GRM1: variants seen among roughly 807,000 people sequenced by gnomAD.
GRM1 encodes the protein metabotropic glutamate receptor 1.
GRM1 carries 33 observed loss-of-function variants against 90.9 expected under a neutral mutation model. The ratio of observed to expected loss-of-function variants is 0.36; its 90% CI spans 0.28 to 0.49. The LOEUF (loss-of-function observed/expected upper bound fraction) is 0.49, where lower values mean the gene tolerates loss of function less well. GRM1 is among the 20% of genes least tolerant of loss of function. The pLI, the probability that GRM1 is intolerant of heterozygous loss-of-function variation, is 0.99. For missense variants in GRM1, 1,190 were observed against 1,534.3 expected (o/e 0.78, Z 3.75); for synonymous variants, 700 against 613.2 (o/e 1.14, Z -2.09).
At chr6:146,295,220 T>C (rs926236344) in intron 2 of GRM1, among the ~76,000 whole-genome samples, 1 of 151,984 alleles carries the variant, frequency 6.6e-6, no homozygotes, top group African/African-American at 2.4e-5. Context: ...ATCTATCCAT[T>C]TATTTATTTA....
At chr6:146,053,906 A>G (rs1382554254) in intron 1 of GRM1, among the ~76,000 whole-genome samples, 2 of 152,080 alleles carry the variant, frequency 1.3e-5, no homozygotes. Flanking sequence ...GGAGAATACC[A>G]TTTGTAGGAC....
intron 2 of GRM1, among the ~76,000 whole-genome samples, chr6:146,186,400 C>T (rs1490734796): frequency 3.9e-5 from 6 of 152,118 alleles, no homozygotes; most frequent in Admixed American, 3.9e-4. Context: ...CTCTGTATTC[C>T]TGAATTCAAG....
chr6:146,227,749 A>G (rs1583192359), intron 2 of GRM1, among the ~76,000 whole-genome samples: 1 of 152,150 alleles, frequency 6.6e-6, no homozygotes, highest in African/African-American at 2.4e-5. Flanking sequence ...CAGAATGGGG[A>G]AATCTTTTTA....
chr6:146,310,429 G>A (rs1045485210), intron 3 of GRM1, among the ~76,000 whole-genome samples: 5 of 152,120 alleles, frequency 3.3e-5, no homozygotes, highest in Non-Finnish European at 4.4e-5. Flanking sequence ...TTTATCTTGG[G>A]AAGTTTGACC....
At chr6:146,196,706 T>G (rs928979259) in intron 2 of GRM1, among the ~76,000 whole-genome samples, 8 of 152,144 alleles carry the variant, frequency 5.3e-5, no homozygotes, top group African/African-American at 1.9e-4. Context: ...CCAAACCTAC[T>G]GAATCAGAAT....
intron 1 of GRM1, among the ~76,000 whole-genome samples, chr6:146,041,090 T>G (rs754747286): frequency 3.9e-5 from 6 of 152,062 alleles, no homozygotes; most frequent in Non-Finnish European, 5.9e-5. Context: ...AAATTTCTGT[T>G]TAACTTTGTA....
At chr6:146,409,634 TA>T (rs745337875) in intron 7 of GRM1, among the ~76,000 whole-genome samples, 5 of 152,184 alleles carry the variant, frequency 3.3e-5, no homozygotes, top group Non-Finnish European at 5.9e-5. Flanking sequence ...TCTGAGTTAA[TA>T]AAAATACATT....
intron 2 of GRM1, among the ~76,000 whole-genome samples, chr6:146,162,153 A>T (rs1178920888): frequency 1.3e-5 from 2 of 152,176 alleles, no homozygotes; most frequent in African/African-American, 2.4e-5. Flanking sequence ...CCAAATGTTG[A>T]AGTTTTTTGA....
At chr6:146,278,741 G>A (rs1184649794) in intron 2 of GRM1, among the ~76,000 whole-genome samples, 1 of 152,154 alleles carries the variant, frequency 6.6e-6, no homozygotes, top group Non-Finnish European at 1.5e-5. Context: ...CCGAGATCAC[G>A]CTACTGCACT....
chr6:146,348,114 G>A (rs1410642184), intron 3 of GRM1, among the ~76,000 whole-genome samples: 1 of 152,158 alleles, frequency 6.6e-6, no homozygotes, highest in East Asian at 1.9e-4. Flanking sequence ...AAGTACCACA[G>A]AAAATGATCA....
At chr6:146,225,669 C>CAAATTTAAT (rs1197633757) in intron 2 of GRM1, among the ~76,000 whole-genome samples, 1 of 151,906 alleles carries the variant, frequency 6.6e-6, no homozygotes, top group East Asian at 1.9e-4. Flanking sequence ...AAATTAACAC[C>CAAATTTAAT]AAATTTAATA....
chr6:146,174,159 T>C (rs1310270387), intron 2 of GRM1, among the ~76,000 whole-genome samples: 1 of 152,050 alleles, frequency 6.6e-6, no homozygotes, highest in East Asian at 1.9e-4. Flanking sequence ...AAAATTCAGT[T>C]TGAGAAATTT....
intron 1 of GRM1, among the ~76,000 whole-genome samples, chr6:146,132,258 A>G (rs1776427723): frequency 6.6e-6 from 1 of 152,090 alleles, no homozygotes; most frequent in East Asian, 1.9e-4. Context: ...TTGAGAATGG[A>G]TCGGAGAGGA....
At chr6:146,220,439 C>G (rs1274315457) in intron 2 of GRM1, among the ~76,000 whole-genome samples, 1 of 152,030 alleles carries the variant, frequency 6.6e-6, no homozygotes, top group South Asian at 2.1e-4. Context: ...AAAAGTCCAC[C>G]TATGTGCAAG....
chr6:146,257,793 C>T (rs1018231702), intron 2 of GRM1, among the ~76,000 whole-genome samples: 1 of 151,842 alleles, frequency 6.6e-6, no homozygotes, highest in Non-Finnish European at 1.5e-5. Context: ...AGGATGCCTA[C>T]CCACATTGGG....
intron 5 of GRM1, among the ~76,000 whole-genome samples, chr6:146,373,399 A>G (rs2115099486): frequency 6.6e-6 from 1 of 152,256 alleles, no homozygotes; most frequent in South Asian, 2.1e-4. Context: ...CTGGCAGAAA[A>G]GAGAGAAAGT....
At chr6:146,342,410 A>G (rs968296307) in intron 3 of GRM1, among the ~76,000 whole-genome samples, 14 of 152,364 alleles carry the variant, frequency 9.2e-5, no homozygotes, top group African/African-American at 3.1e-4. Flanking sequence ...ATTGTGACAA[A>G]TATCACATCT....
chr6:146,203,168 T>TGGG, intron 2 of GRM1, among the ~76,000 whole-genome samples: 1 of 151,220 alleles, frequency 6.6e-6, no homozygotes, highest in African/African-American at 2.4e-5. Flanking sequence ...CACTCCAGCC[T>TGGG]GGGGGACAGA....
intron 7 of GRM1, among the ~76,000 whole-genome samples, chr6:146,408,491 A>G (rs1033268857): frequency 3.9e-5 from 6 of 152,196 alleles, no homozygotes; most frequent in African/African-American, 1.4e-4. Context: ...CACAATACCT[A>G]AATAATTGAG....
Sources: gnomAD v4.1 joint callset for allele counts (sites outside exome capture counted in the v4.1 genomes callset) on GRCh38, gnomAD v4.1.1 for gene constraint, MANE v1.5 for transcripts, NCBI Gene and HGNC (gene_info 2026-07-23, HGNC 2026-07-21) for gene names.